The following CCDC7 variants were observed in gnomAD, a reference collection of about 807,000 sequenced individuals.
CCDC7 encodes coiled-coil domain containing 7, also known as coiled-coil domain-containing protein 7.
Under a neutral mutation model 196.9 loss-of-function variants are expected in CCDC7, and 183 were observed. The observed-to-expected ratio is 0.93, with a 90% CI of 0.82 to 1.05. The LOEUF is 1.05. Ranked by LOEUF, CCDC7 falls within the 50% of genes least tolerant of loss-of-function variation. The pLI is 0.00. For missense variants in CCDC7, 1,540 were observed against 1,482.2 expected (o/e 1.04, Z -0.64); for synonymous variants, 525 against 484.6 (o/e 1.08, Z -1.10).
chr10:32,699,451 C>T (rs1455632656), intron 24 of CCDC7, among the ~76,000 whole-genome samples: 1 of 150,940 alleles, frequency 6.6e-6, no homozygotes, highest in Non-Finnish European at 1.5e-5. Context: ...CCCAGTCTAT[C>T]ATTGTTGGAC....
At chr10:32,505,331 C>T (rs528323635) in intron 9 of CCDC7, among the ~76,000 whole-genome samples, 6 of 152,158 alleles carry the variant, frequency 3.9e-5, no homozygotes, top group Admixed American at 6.5e-5. Flanking sequence ...GAGGTCCCTG[C>T]GGCCTTCCAC....
intron 21 of CCDC7, among the ~76,000 whole-genome samples, chr10:32,666,901 T>G (rs1375372297): frequency 2.6e-5 from 4 of 152,170 alleles, no homozygotes; most frequent in South Asian, 4.1e-4. Context: ...AGTAATGGGA[T>G]GGCTGGGTCA....
intron 21 of CCDC7, among the ~76,000 whole-genome samples, chr10:32,682,987 T>G (rs2076039262): frequency 6.6e-6 from 1 of 152,196 alleles, no homozygotes; most frequent in Non-Finnish European, 1.5e-5. Context: ...CTGCAGAAGC[T>G]CTTTAGTTTA....
chr10:32,685,834 A>C (rs191874448), intron 21 of CCDC7, 136 bp from the exon 23 acceptor site: 1 of 567,256 alleles, frequency 1.8e-6, no homozygotes, highest in Non-Finnish European at 3.1e-6. Context: ...CAAATCTATT[A>C]TTATTGTAAT....
chr10:32,744,938 G>T (rs914703701), intron 28 of CCDC7, among the ~76,000 whole-genome samples: 2 of 152,154 alleles, frequency 1.3e-5, no homozygotes, highest in Admixed American at 6.5e-5. Context: ...TCTAGAAGTT[G>T]TATAGTTTTC....
intron 17 of CCDC7, 147 bp downstream of exon 18, chr10:32,583,454 T>C (rs1195826356): frequency 1.6e-5 from 7 of 440,274 alleles, no homozygotes; most frequent in African/African-American, 4.1e-5. Context: ...ACCCACTTTA[T>C]ATTTAGAATG....
At chr10:32,556,268 C>T (rs2054324955) in intron 13 of CCDC7, among the ~76,000 whole-genome samples, 1 of 152,076 alleles carries the variant, frequency 6.6e-6, no homozygotes, top group African/African-American at 2.4e-5. Context: ...AGAATATAGA[C>T]TAGGCTGCTA....
intron 20 of CCDC7, 26 bp from the exon 22 acceptor site, chr10:32,664,028 T>C: frequency 2.5e-6 from 1 of 395,070 alleles, no homozygotes; most frequent in East Asian, 3.6e-5. Flanking sequence ...TTATGTTTAG[T>C]GCACTAAATT....
At chr10:32,877,950 A>ATT (rs879619986), downstream of CCDC7, among the ~76,000 whole-genome samples, 2 of 146,406 alleles carry the variant, frequency 1.4e-5, no homozygotes, top group African/African-American at 2.5e-5. Context: ...GTTGCAGTTG[A>ATT]TTTTTTTTTT....
At chr10:32,880,315 T>C (rs1007057033), downstream of CCDC7, among the ~76,000 whole-genome samples, 1 of 152,220 alleles carries the variant, frequency 6.6e-6, no homozygotes, top group Non-Finnish European at 1.5e-5. Flanking sequence ...ATGTGGAGCT[T>C]TTCTTCATGT....
At chr10:32,738,869 A>G (rs914187375) in intron 28 of CCDC7, among the ~76,000 whole-genome samples, 1 of 152,088 alleles carries the variant, frequency 6.6e-6, no homozygotes, top group Admixed American at 6.5e-5. Flanking sequence ...AAGAATGTTT[A>G]AAAATATTTT....
In CCDC7 at chr10:32,828,439, G is replaced by A. The variant is rs56330106; in HGVS notation, c.3268+3835G>A. Among the ~76,000 whole-genome samples, 112 of 56,846 alleles carry A rather than the reference G, an allele frequency of 2.0e-3. 5 individuals are homozygous for A. The highest frequency in any genetic ancestry group is 9.4e-3 in the Middle Eastern group (1 of 106). The allele number at this position is 56,846 out of a possible 152,430, so 37.3% of individuals were successfully genotyped here. A position where few individuals can be genotyped will look rare whatever the true frequency, so the allele number is the denominator to read the frequency against. On this transcript the variant is annotated intron_variant, in intron 32 of 41. Coordinates refer to ENST00000639629, the Ensembl canonical transcript of CCDC7. The stretch of plus-strand genomic sequence containing the variant: ...AGGAGAAGAAGAAGAAGGAAGGAAG[G>A]AGAAGAAGAAGAAGAAGAAGAAGAA...
At chr10:32,691,540 T>C (rs2077082377) in intron 23 of CCDC7, among the ~76,000 whole-genome samples, 1 of 152,212 alleles carries the variant, frequency 6.6e-6, no homozygotes, top group Admixed American at 6.5e-5. Flanking sequence ...TGCCACAAAT[T>C]AATTGACATT....
chr10:32,517,736 C>A (rs1273257629), intron 9 of CCDC7, among the ~76,000 whole-genome samples: 1 of 149,450 alleles, frequency 6.7e-6, no homozygotes, highest in African/African-American at 2.5e-5. Context: ...CAAACCTGCA[C>A]GTTGTGTACA....
intron 11 of CCDC7, among the ~76,000 whole-genome samples, chr10:32,521,281 A>T (rs915241828): frequency 6.6e-6 from 1 of 152,124 alleles, no homozygotes; most frequent in African/African-American, 2.4e-5. Context: ...GACAGGGATT[A>T]CACTGAATCT....
At chr10:32,555,939 T>C (rs2054273379) in intron 13 of CCDC7, among the ~76,000 whole-genome samples, 1 of 152,190 alleles carries the variant, frequency 6.6e-6, no homozygotes, top group African/African-American at 2.4e-5. Context: ...TCTTCCAGGA[T>C]GATAGCTCTG....
chr10:32,688,784 T>C (rs964984300), intron 22 of CCDC7, among the ~76,000 whole-genome samples: 3 of 152,200 alleles, frequency 2.0e-5, no homozygotes, highest in African/African-American at 7.2e-5. Flanking sequence ...TGTATACTTA[T>C]TAATTGAAAA....
At chr10:32,450,189 A>G (rs376347774), upstream of CCDC7, among the ~76,000 whole-genome samples, 2 of 152,188 alleles carry the variant, frequency 1.3e-5, no homozygotes, top group East Asian at 3.9e-4. Context: ...TCTAGGGAAG[A>G]ATCTTTCATT....
intron 16 of CCDC7, among the ~76,000 whole-genome samples, chr10:32,577,780 ATCCCCCT>A (rs2058364050): frequency 6.6e-6 from 1 of 152,170 alleles, no homozygotes; most frequent in African/African-American, 2.4e-5. Context: ...GATGTGCTAT[ATCCCCCT>A]TTTAATAGAA....
Sources: allele counts gnomAD v4.1 joint callset (sites outside exome capture counted in the v4.1 genomes callset), GRCh38; gene constraint gnomAD v4.1.1; transcripts MANE v1.5; gene names NCBI Gene and HGNC (gene_info 2026-07-23, HGNC 2026-07-21).